Variants in PROM2 observed in about 807,000 individuals in gnomAD.
The protein encoded by PROM2 is prominin 2.
In PROM2, 90 loss-of-function variants were observed where a neutral mutation model predicts 110.2. The observed-to-expected ratio is 0.82, with a 90% CI of 0.69 to 0.97. PROM2 has a LOEUF of 0.97. Ranked by LOEUF, PROM2 falls within the 50% of genes least tolerant of loss-of-function variation. The pLI, the probability that PROM2 is intolerant of heterozygous loss-of-function variation, is 0.00. For synonymous variants in PROM2, 470 were observed against 467.8 expected (o/e 1.00, Z -0.06); for missense variants, 1,009 against 1,074.8 (o/e 0.94, Z 0.86).
In PROM2 at chr2:95,289,638, C is replaced by A. The variant is rs1404624779; in HGVS notation, c.*425C>A. 1.4e-5 allele frequency: 2 copies of A among 147,206 alleles called. No individual in the cohort carries two copies. Among genetic ancestry groups the A allele is most frequent in the African/African-American group, 5.1e-5 (2 of 39,554 alleles). 9.1% of individuals were successfully genotyped at this position (147,206 alleles called of 1,614,324 possible). A position where few individuals can be genotyped will look rare whatever the true frequency, so the allele number is the denominator to read the frequency against. On this transcript the variant is annotated 3_prime_UTR_variant, in exon 24 of 24. Transcript: ENST00000317620. ...AGCCTCCCCCTGCCCCTCTCTGAGC[C>A]CCTCGCCCCCCACACCGTCCTCATC...
intron 9 of PROM2, 29 bp downstream of exon 9, chr2:95,278,813 C>A (rs370311328): frequency 2.5e-6 from 4 of 1,613,736 alleles, no homozygotes; most frequent in African/African-American, 1.3e-5. Context: ...GAGGCAGCTG[C>A]CAGGCATGGC....
At chr2:95,288,754 TCCCGTATGTCTG>T (rs1677529589) in intron 22 of PROM2, among the ~76,000 whole-genome samples, 165 bp downstream of exon 22, 1 of 152,198 alleles carries the variant, frequency 6.6e-6, no homozygotes, top group Non-Finnish European at 1.5e-5. Flanking sequence ...CAGGAAGTTC[TCCCGTATGTCTG>T]CCCCTTACCC....
At chr2:95,288,085 C>G (rs540140321) in intron 20 of PROM2, 126 bp from the exon 21 acceptor site, 1 of 814,694 alleles carries the variant, frequency 1.2e-6, no homozygotes, top group Middle Eastern at 2.3e-4. Flanking sequence ...TACAAGTGTG[C>G]GGTGGCCCCA....
At chr2:95,279,208 C>T in intron 10 of PROM2, 64 bp downstream of exon 10, 1 of 1,286,962 alleles carries the variant, frequency 7.8e-7, no homozygotes, top group Non-Finnish European at 1.0e-6. Context: ...CTATGCCACC[C>T]TGACACCCTG....
intron 1 of PROM2, 127 bp downstream of exon 1, chr2:95,274,956 G>T: frequency 7.7e-7 from 1 of 1,298,606 alleles, no homozygotes; most frequent in Non-Finnish European, 1.0e-6. Context: ...GGGGTAGAAG[G>T]CGGAGGATCT....
chr2:95,288,150 A>G (rs574489577), intron 20 of PROM2, 61 bp from the exon 21 acceptor site: 1 of 1,536,992 alleles, frequency 6.5e-7, no homozygotes, highest in East Asian at 2.2e-5. Context: ...TGAATTGAAT[A>G]TGGGTGTGCG....
chr2:95,289,186 C>T (rs1213831941), intron 23 of PROM2, 38 bp from the exon 24 acceptor site: 9 of 607,636 alleles, frequency 1.5e-5, no homozygotes, highest in Non-Finnish European at 2.6e-5. Flanking sequence ...GTTCTCCCCT[C>T]CCTCCCCTTC....
intron 14 of PROM2, among the ~76,000 whole-genome samples, chr2:95,283,771 T>TTTCATTCATTCA (rs3076102): frequency 9.0e-4 from 135 of 149,794 alleles, no homozygotes; most frequent in Non-Finnish European, 1.0e-3. Flanking sequence ...GAAAATACAG[T>TTTCATTCATTCA]TTCATTCATT....
intron 10 of PROM2, 125 bp from the exon 11 acceptor site, chr2:95,279,720 T>C: frequency 1.4e-6 from 1 of 700,672 alleles, no homozygotes; most frequent in Non-Finnish European, 2.1e-6. Context: ...GAAGAGTCTG[T>C]ATCTGCATTT....
Position 95,277,974 on chromosome 2 carries a change from C to T in PROM2, c.1020C>T (p.Pro340=), listed in dbSNP as rs574275697. Residue 340 remains proline (P), a synonymous_variant, in exon 8 of 24, where the codon CCC becomes CCT. Coordinates refer to ENST00000317620, the MANE Select transcript of PROM2 (RefSeq NM_001165978.3). ...DHVLHQLKGV[P]EANFSSMVQE... is the part of the protein sequence containing the mutation. ...TCCTGCACCAGCTAAAAGGTGTCCC[C>T]GAGGCCAACTTCTCCAGCATGGTCC... 2.8e-5 allele frequency: 45 copies of T among 1,611,732 alleles called. No individual in the cohort carries two copies. Among genetic ancestry groups the T allele is most frequent in the Admixed American group, 2.0e-4 (12 of 59,950 alleles).
At position 95,275,059 on chromosome 2, in the gene PROM2, A is replaced by G. The variant is rs1573442371; in HGVS notation, c.244+230A>G. ...TCTGTCTGTAAAGTGAGGAGGTTACATTGGAAATACATTAGACCTGACTCA... is the reference window on the plus strand; with the variant it reads ...TCTGTCTGTAAAGTGAGGAGGTTACGTTGGAAATACATTAGACCTGACTCA... On this transcript the variant is annotated intron_variant, in intron 1 of 23. Coordinates refer to ENST00000317620, the MANE Select transcript of PROM2 (RefSeq NM_001165978.3). The surrounding 1 kb of genome is among the most constrained non-coding windows in gnomAD (Gnocchi z 4.4). 1 of 513,868 alleles carries G rather than the reference A, an allele frequency of 1.9e-6. No individual in the cohort carries two copies. The highest frequency in any genetic ancestry group is 3.7e-5 in the Admixed American group (1 of 27,332). The allele number at this position is 513,868 out of a possible 1,614,324, so 31.8% of individuals were successfully genotyped here. A position where few individuals can be genotyped will look rare whatever the true frequency, so the allele number is the denominator to read the frequency against.
chr2:95,275,060 T>G lies in PROM2; in HGVS notation c.244+231T>G. 2.0e-6 allele frequency: 1 copy of G among 511,864 alleles called. No homozygotes were observed. The highest frequency in any genetic ancestry group is 3.3e-6 in the Non-Finnish European group (1 of 299,918). 31.7% of individuals were successfully genotyped at this position (511,864 alleles called of 1,614,324 possible). On this transcript the variant is annotated intron_variant, in intron 1 of 23. Coordinates refer to ENST00000317620, the MANE Select transcript of PROM2 (RefSeq NM_001165978.3). This position sits in a 1 kb window ranked among gnomAD's most constrained non-coding sequence, Gnocchi z 4.4. ...CTGTCTGTAAAGTGAGGAGGTTACA[T>G]TGGAAATACATTAGACCTGACTCAG...
In PROM2 at chr2:95,276,669, G is replaced by C. The variant is rs370530905; in HGVS notation, c.682+12G>C. ...AGAGGAGCTGGATGGTGAGGGTCTCGGGGACTGGCAGGTGGGCTGGCTCCT... is the reference window on the plus strand; with the variant it reads ...AGAGGAGCTGGATGGTGAGGGTCTCCGGGACTGGCAGGTGGGCTGGCTCCT... On this transcript the variant is annotated intron_variant, in intron 5 of 23. Transcript: ENST00000317620. This position sits in a 1 kb window ranked among gnomAD's most constrained non-coding sequence, Gnocchi z 4.6. The C allele has an allele frequency of 5.6e-5, 91 of 1,612,480 alleles. No individual in the cohort carries two copies. The African/African-American group carries it at 1.2e-3, about 21-fold the overall frequency.
In PROM2 at chr2:95,274,833, A is replaced by G; in HGVS notation, c.244+4A>G. On this transcript the variant is annotated splice_donor_region_variant and intron_variant, in intron 1 of 23. Transcript: ENST00000317620. ...CAGCTCAATCCTTTCCCTTCAGGTGAGTGTGCCCCTCCCCCATGAGGGCCT... is the reference window on the plus strand; with the variant it reads ...CAGCTCAATCCTTTCCCTTCAGGTGGGTGTGCCCCTCCCCCATGAGGGCCT... 1 of 1,544,050 alleles carries G rather than the reference A, an allele frequency of 6.5e-7. No individual in the cohort carries two copies. The highest frequency in any genetic ancestry group is 8.7e-7 in the Non-Finnish European group (1 of 1,143,108).
chr2:95,286,638 G>A (rs903639821), intron 17 of PROM2, 67 bp downstream of exon 17: 2 of 1,441,916 alleles, frequency 1.4e-6, no homozygotes, highest in South Asian at 2.3e-5. Context: ...GACAGTGAAA[G>A]GGGAGGGAAG....
At position 95,276,484 on chromosome 2, in the gene PROM2, G is replaced by C. The variant is rs191356418; in HGVS notation, c.619-110G>C. 38 of 1,594,448 alleles carry C rather than the reference G, an allele frequency of 2.4e-5. 1 individual carries two copies. In the Middle Eastern group the frequency reaches 1.7e-3, roughly 70 times the overall value. ...CCTCTCCCGCCCTTGCCTGAGAGTC[G>C]ACCACCCTCAGGGTGGATGCCATAG... On this transcript the variant is annotated intron_variant, in intron 4 of 23. Coordinates refer to ENST00000317620, the MANE Select transcript of PROM2 (RefSeq NM_001165978.3). This position sits in a 1 kb window ranked among gnomAD's most constrained non-coding sequence, Gnocchi z 4.6.
At chr2:95,287,285 C>T in intron 19 of PROM2, 72 bp downstream of exon 19, 1 of 1,581,638 alleles carries the variant, frequency 6.3e-7, no homozygotes. Context: ...CACTGTGGCT[C>T]CCAGGAAAGC....
chr2:95,278,129 G>C (rs1676786595), intron 8 of PROM2, 125 bp downstream of exon 8: 1 of 754,912 alleles, frequency 1.3e-6, no homozygotes, highest in Non-Finnish European at 2.2e-6. Flanking sequence ...ACAGCACCCT[G>C]GGCAGGGGAC....
rs1425413348 is a variant in PROM2, at chr2:95,288,719, G to A, written c.2441+130G>A. On this transcript the variant is annotated intron_variant, in intron 22 of 23. Transcript: ENST00000317620. ...GAGGCTCATGAGCGAGCCCTGAAGAGCCACACTCTGAGGAGCTCCAAAGCC... is the reference window on the plus strand; with the variant it reads ...GAGGCTCATGAGCGAGCCCTGAAGAACCACACTCTGAGGAGCTCCAAAGCC... The A allele has an allele frequency of 5.8e-6, 5 of 855,518 alleles. No homozygotes were observed. In the African/African-American group the frequency reaches 6.8e-5, roughly 12 times the overall value. The allele number at this position is 855,518 out of a possible 1,614,324, so 53.0% of individuals were successfully genotyped here.
Sources: allele counts gnomAD v4.1 joint callset (sites outside exome capture counted in the v4.1 genomes callset), GRCh38; gene constraint gnomAD v4.1.1; non-coding constraint Gnocchi (gnomAD v3.1); transcripts MANE v1.5; gene names NCBI Gene and HGNC (gene_info 2026-07-23, HGNC 2026-07-21).